The following TPST1 variants were observed in gnomAD, a reference collection of about 807,000 sequenced individuals.
TPST1 encodes protein-tyrosine sulfotransferase 1.
TPST1 carries 20 observed loss-of-function variants against 34.8 expected under a neutral mutation model. The ratio of observed to expected loss-of-function variants is 0.57; its 90% CI spans 0.40 to 0.84. TPST1 has a LOEUF of 0.84. Ranked by LOEUF, TPST1 falls within the 40% of genes least tolerant of loss-of-function variation. The pLI is 0.00. For missense variants in TPST1, 353 were observed against 455.5 expected (o/e 0.78, Z 2.05); for synonymous variants, 152 against 159.4 (o/e 0.95, Z 0.35).
intron 3 of TPST1, among the ~76,000 whole-genome samples, chr7:66,306,505 A>G (rs1291361366): frequency 6.6e-6 from 1 of 152,160 alleles, no homozygotes; most frequent in East Asian, 1.9e-4. Flanking sequence ...CTGACCAGAA[A>G]GAAAACAATT....
chr7:66,248,996 C>A (rs1158053500), intron 2 of TPST1, among the ~76,000 whole-genome samples: 1 of 152,038 alleles, frequency 6.6e-6, no homozygotes, highest in South Asian at 2.1e-4. Context: ...CTGTCTGGTT[C>A]ATAGATGGCA....
chr7:66,297,919 T>C (rs1374749092), intron 3 of TPST1, among the ~76,000 whole-genome samples: 2 of 152,212 alleles, frequency 1.3e-5, no homozygotes, highest in Non-Finnish European at 2.9e-5. Context: ...TCACTTAAAA[T>C]TCATGAATGA....
chr7:66,220,181 GAA>G (rs1219938629), intron 1 of TPST1, among the ~76,000 whole-genome samples: 3 of 152,132 alleles, frequency 2.0e-5, no homozygotes, highest in Non-Finnish European at 4.4e-5. Context: ...CTTTTATTGA[GAA>G]AGTTTTAGCA....
At chr7:66,230,694 C>G (rs922811913) in intron 1 of TPST1, among the ~76,000 whole-genome samples, 1 of 152,132 alleles carries the variant, frequency 6.6e-6, no homozygotes, top group Non-Finnish European at 1.5e-5. Context: ...AGATTTATTG[C>G]AAAGAGCGAA....
At position 66,286,620 on chromosome 7, in the gene TPST1, C is replaced by T. The variant is rs1168211463; in HGVS notation, c.955C>T (p.Pro319Ser). The T allele has an allele frequency of 3.1e-6, 5 of 1,609,468 alleles. No homozygotes were observed. Among genetic ancestry groups the T allele is most frequent in the African/African-American group, 1.3e-5 (1 of 74,688 alleles). The change falls in exon 3 of 6, where the codon CCT (proline) becomes TCT (serine). Residue 319 changes from proline to serine, a missense_variant. Pro to Ser is a moderately conservative substitution (Grantham distance 74, BLOSUM62 -1). Coordinates refer to ENST00000304842, the MANE Select transcript of TPST1 (RefSeq NM_003596.4). ...DVLQDMAVIA[P>S]MLAKLGYDPY... ...TTTACAAGACATGGCAGTGATTGCTCCTATGCTTGCCAAGCTTGGATATGA... is the reference window on the plus strand; with the variant it reads ...TTTACAAGACATGGCAGTGATTGCTTCTATGCTTGCCAAGCTTGGATATGA...
intron 5 of TPST1, among the ~76,000 whole-genome samples, chr7:66,357,715 ACTTT>A (rs1792608283): frequency 6.6e-6 from 1 of 152,022 alleles, no homozygotes; most frequent in Non-Finnish European, 1.5e-5. Context: ...ATCCACCCAA[ACTTT>A]CTTAAGATCA....
intron 3 of TPST1, among the ~76,000 whole-genome samples, chr7:66,336,077 G>A (rs545606079): frequency 4.6e-5 from 7 of 152,330 alleles, no homozygotes; most frequent in African/African-American, 9.6e-5. Context: ...TTGGGAGGCC[G>A]AGGTGGGCAG....
At position 66,332,828 on chromosome 7, in the gene TPST1, A is replaced by C. The variant is rs775688616; in HGVS notation, c.1045-19677A>C. ...GTATACAGGAGGATATGTGTATGTT[A>C]CGTGCAAATACTACACCATTTTATA... is the stretch of plus-strand genomic sequence containing the variant. On this transcript the variant is annotated intron_variant, in intron 3 of 5. Transcript: ENST00000304842. The surrounding 1 kb of genome is among the most constrained non-coding windows in gnomAD (Gnocchi z 4.5). Among the ~76,000 whole-genome samples, 2 of 152,196 alleles carry C rather than the reference A, an allele frequency of 1.3e-5. No individual in the cohort carries two copies. The highest frequency in any genetic ancestry group is 2.9e-5 in the Non-Finnish European group (2 of 68,042).
chr7:66,231,082 C>A (rs1055978959), intron 1 of TPST1, among the ~76,000 whole-genome samples: 8 of 143,850 alleles, frequency 5.6e-5, no homozygotes, highest in Admixed American at 4.3e-4. Context: ...AATCCCTGAG[C>A]TAGACATAAA....
At chr7:66,356,730 G>A (rs921213214) in intron 4 of TPST1, 95 bp from the exon 5 acceptor site, 1 of 1,430,164 alleles carries the variant, frequency 7.0e-7, no homozygotes, top group African/African-American at 1.4e-5. Flanking sequence ...AGTGAACAGA[G>A]CCTGCGGGCC....
intron 2 of TPST1, among the ~76,000 whole-genome samples, chr7:66,252,925 T>G (rs1167492003): frequency 6.6e-6 from 1 of 152,202 alleles, no homozygotes; most frequent in African/African-American, 2.4e-5. Context: ...CATTTTCATA[T>G]TTTTTCTATA....
intron 2 of TPST1, among the ~76,000 whole-genome samples, chr7:66,283,937 G>A (rs2115913316): frequency 6.6e-6 from 1 of 152,048 alleles, no homozygotes; most frequent in East Asian, 1.9e-4. Flanking sequence ...CCACATAGTG[G>A]GTATTTAAGA....
At chr7:66,254,116 C>T (rs1032335765) in intron 2 of TPST1, among the ~76,000 whole-genome samples, 5 of 151,894 alleles carry the variant, frequency 3.3e-5, no homozygotes, top group Non-Finnish European at 7.4e-5. Flanking sequence ...TTTGGTCCTC[C>T]GTATATATTT....
chr7:66,338,834 C>T (rs749365422), intron 3 of TPST1, among the ~76,000 whole-genome samples: 2 of 151,932 alleles, frequency 1.3e-5, no homozygotes, highest in African/African-American at 2.4e-5. Context: ...TAGCAATAAA[C>T]GTCTATATCA....
intron 3 of TPST1, 77 bp from the exon 4 acceptor site, chr7:66,352,428 G>A: frequency 2.6e-6 from 4 of 1,555,066 alleles, no homozygotes; most frequent in Non-Finnish European, 1.7e-6. Flanking sequence ...CCCGGCCACG[G>A]TCAGGCATGG....
At chr7:66,269,748 G>A (rs1243795055) in intron 2 of TPST1, among the ~76,000 whole-genome samples, 3 of 152,130 alleles carry the variant, frequency 2.0e-5, no homozygotes, top group East Asian at 1.9e-4. Context: ...GGTAATAAGC[G>A]CTTTGAAATA....
intron 1 of TPST1, among the ~76,000 whole-genome samples, chr7:66,217,967 C>T (rs1789459832): frequency 6.6e-6 from 1 of 151,958 alleles, no homozygotes; most frequent in Non-Finnish European, 1.5e-5. Context: ...GTAACCTCTG[C>T]CTCCCGGATT....
At chr7:66,304,418 G>A (rs1457372962) in intron 3 of TPST1, among the ~76,000 whole-genome samples, 1 of 152,140 alleles carries the variant, frequency 6.6e-6, no homozygotes, top group Non-Finnish European at 1.5e-5. Context: ...AAAAATAATG[G>A]CTTCTACTTC....
intron 3 of TPST1, among the ~76,000 whole-genome samples, chr7:66,328,870 CTCTCTCTCTCTCTCTCTATA>C (rs1254512917): frequency 4.4e-5 from 1 of 22,658 alleles, no homozygotes; most frequent in Non-Finnish European, 9.1e-5. Flanking sequence ...CTCTCTCTCT[CTCTCTCTCTCTCTCTCTATA>C]TATATATATA....
Sources: allele counts gnomAD v4.1 joint callset (sites outside exome capture counted in the v4.1 genomes callset), GRCh38; gene constraint gnomAD v4.1.1; non-coding constraint Gnocchi (gnomAD v3.1); transcripts MANE v1.5; gene names NCBI Gene and HGNC (gene_info 2026-07-23, HGNC 2026-07-21).